Variants in ZNF804A observed in about 807,000 individuals in gnomAD.
ZNF804A encodes the protein zinc finger protein 804A.
A neutral mutation model predicts 16.5 loss-of-function variants in ZNF804A; 2 were observed. That is an observed-to-expected ratio of 0.12 (90% CI 0.05 to 0.38). The LOEUF is 0.38. Among genes scored for constraint, ZNF804A ranks in the 10% least tolerant of loss-of-function variants. The pLI, the probability that ZNF804A is intolerant of heterozygous loss-of-function variation, is 0.99. For synonymous variants in ZNF804A, 534 were observed against 489.6 expected (o/e 1.09, Z -1.20); for missense variants, 1,473 against 1,390.7 (o/e 1.06, Z -0.94).
At position 184,901,733 on chromosome 2, in the gene ZNF804A, A is replaced by G. The variant is rs528191431; in HGVS notation, c.256-31870A>G. Among the ~76,000 whole-genome samples, 10 of 152,188 alleles carry G rather than the reference A, an allele frequency of 6.6e-5. No homozygotes were observed. The South Asian group carries it at 1.9e-3, about 28-fold the overall frequency. On this transcript the variant is annotated intron_variant, in intron 2 of 3. Transcript: ENST00000302277. ...TCCAGAAAGCCATTCGTGTGTATTA[A>G]TAATCTAGGAGGTAATGCATTTTCT... is the stretch of plus-strand genomic sequence containing the variant.
At position 184,937,873 on chromosome 2, in the gene ZNF804A, T is replaced by C. The variant is rs1355510240; in HGVS notation, c.2477T>C (p.Leu826Ser). ...RGRFHPGFET[L>S]ELKENTDYPV... Reference sequence around the variant, plus strand: ...AGATTCCACCCCGGATTTGAAACTTTAGAACTCAAAGAAAATACAGATTAT... The same window carrying C: ...AGATTCCACCCCGGATTTGAAACTTCAGAACTCAAAGAAAATACAGATTAT... Residue 826 changes from leucine (L) to serine (S), a missense_variant, in exon 4 of 4, where the codon TTA becomes TCA. Leu to Ser is a moderately radical substitution (Grantham distance 145). Transcript: ENST00000302277. The C allele has an allele frequency of 6.2e-7, 1 of 1,614,124 alleles. No individual in the cohort carries two copies.
intron 1 of ZNF804A, among the ~76,000 whole-genome samples, chr2:184,658,044 A>C (rs1474154161): frequency 6.6e-6 from 1 of 152,230 alleles, no homozygotes; most frequent in Non-Finnish European, 1.5e-5. Flanking sequence ...TAAAATCAGC[A>C]TTTCATGGAG....
chr2:184,683,875 A>AT (rs1464987764), intron 1 of ZNF804A, among the ~76,000 whole-genome samples: 1 of 152,162 alleles, frequency 6.6e-6, no homozygotes, highest in East Asian at 1.9e-4. Context: ...TAATGCTTTA[A>AT]TAATATCTAA....
intron 1 of ZNF804A, among the ~76,000 whole-genome samples, chr2:184,724,861 T>C (rs1693380810): frequency 6.6e-6 from 1 of 151,752 alleles, no homozygotes; most frequent in South Asian, 2.1e-4. Context: ...GCAGCAATAG[T>C]AACATGTGGA....
intron 2 of ZNF804A, among the ~76,000 whole-genome samples, chr2:184,914,264 C>T (rs746386014): frequency 5.8e-4 from 89 of 152,230 alleles, no homozygotes; most frequent in Non-Finnish European, 1.0e-3. Context: ...CACAGTAATT[C>T]TAGGGCTCTT....
At chr2:184,669,389 G>A (rs1296838130) in intron 1 of ZNF804A, among the ~76,000 whole-genome samples, 5 of 151,912 alleles carry the variant, frequency 3.3e-5, no homozygotes, top group Admixed American at 2.0e-4. Flanking sequence ...GTTTCAAATC[G>A]TATCTTATAA....
At chr2:184,772,132 G>A (rs957565255) in intron 1 of ZNF804A, among the ~76,000 whole-genome samples, 1 of 151,694 alleles carries the variant, frequency 6.6e-6, no homozygotes, top group African/African-American at 2.4e-5. Flanking sequence ...ATAAGATACT[G>A]CAGTTATTCC....
intron 1 of ZNF804A, among the ~76,000 whole-genome samples, chr2:184,712,531 C>T (rs192823493): frequency 1.3e-4 from 20 of 151,846 alleles, no homozygotes; most frequent in Admixed American, 1.2e-3. Flanking sequence ...ATTCTGTCTG[C>T]AAACTTCTGA....
chr2:184,618,200 A>G (rs1055180155), intron 1 of ZNF804A, among the ~76,000 whole-genome samples: 7 of 152,086 alleles, frequency 4.6e-5, no homozygotes, highest in African/African-American at 1.7e-4. Context: ...TCCAAATATC[A>G]TGGTTTAATT....
intron 1 of ZNF804A, among the ~76,000 whole-genome samples, chr2:184,851,375 C>T (rs1054089544): frequency 6.6e-6 from 1 of 151,846 alleles, no homozygotes; most frequent in African/African-American, 2.4e-5. Flanking sequence ...AACCACCATT[C>T]TCTTTCTGCT....
At chr2:184,819,775 G>A (rs1265827741) in intron 1 of ZNF804A, among the ~76,000 whole-genome samples, 1 of 151,992 alleles carries the variant, frequency 6.6e-6, no homozygotes, top group Non-Finnish European at 1.5e-5. Flanking sequence ...AACCATCACA[G>A]AATACTATAA....
intron 1 of ZNF804A, among the ~76,000 whole-genome samples, chr2:184,806,615 C>A (rs1040226814): frequency 6.6e-6 from 1 of 151,690 alleles, no homozygotes; most frequent in Non-Finnish European, 1.5e-5. Context: ...TATACAGTCA[C>A]ATTGTTTAAT....
At chr2:184,927,059 CT>C (rs1400392887) in intron 2 of ZNF804A, among the ~76,000 whole-genome samples, 1 of 152,166 alleles carries the variant, frequency 6.6e-6, no homozygotes, top group East Asian at 1.9e-4. Flanking sequence ...GGTCTTAATA[CT>C]TAGGAATATC....
chr2:184,620,358 T>C (rs1289402016), intron 1 of ZNF804A, among the ~76,000 whole-genome samples: 2 of 151,794 alleles, frequency 1.3e-5, no homozygotes, highest in Admixed American at 6.6e-5. Flanking sequence ...TGCAAATCAG[T>C]TCATAAAAGG....
chr2:184,906,377 T>G (rs1431454423), intron 2 of ZNF804A, among the ~76,000 whole-genome samples: 1 of 152,110 alleles, frequency 6.6e-6, no homozygotes, highest in Non-Finnish European at 1.5e-5. Context: ...CGGCTCACAG[T>G]ACCCGCAACC....
At chr2:184,767,851 T>C (rs945334094) in intron 1 of ZNF804A, among the ~76,000 whole-genome samples, 1 of 152,062 alleles carries the variant, frequency 6.6e-6, no homozygotes, top group African/African-American at 2.4e-5. Context: ...TTGTTGCAAA[T>C]AAATAAGGCA....
At chr2:184,715,095 C>T (rs972649641) in intron 1 of ZNF804A, among the ~76,000 whole-genome samples, 3 of 152,074 alleles carry the variant, frequency 2.0e-5, no homozygotes, top group Non-Finnish European at 2.9e-5. Context: ...AAATCTTGGA[C>T]ACTTTTTCAC....
At chr2:184,695,728 T>A (rs1692820993) in intron 1 of ZNF804A, among the ~76,000 whole-genome samples, 1 of 152,076 alleles carries the variant, frequency 6.6e-6, no homozygotes, top group Non-Finnish European at 1.5e-5. Context: ...TGGAAAGACT[T>A]CTTATAGCAG....
chr2:184,610,148 G>C (rs530375088), intron 1 of ZNF804A, among the ~76,000 whole-genome samples: 1 of 152,160 alleles, frequency 6.6e-6, no homozygotes, highest in Non-Finnish European at 1.5e-5. Flanking sequence ...GTCCACTTGC[G>C]ATGTGATGCC....
Sources: allele counts gnomAD v4.1 joint callset (sites outside exome capture counted in the v4.1 genomes callset), GRCh38; gene constraint gnomAD v4.1.1; transcripts MANE v1.5; gene names NCBI Gene and HGNC (gene_info 2026-07-23, HGNC 2026-07-21).